Variants in ANO3 observed in about 807,000 individuals in gnomAD.
ANO3 encodes the protein anoctamin 3, also known as anoctamin-3.
Under a neutral mutation model 144.8 loss-of-function variants are expected in ANO3, and 99 were observed. The ratio of observed to expected loss-of-function variants is 0.68; its 90% CI spans 0.58 to 0.81. ANO3 has a LOEUF of 0.81. ANO3 is among the 30% of genes least tolerant of loss of function. The pLI is 0.00. For missense variants in ANO3, 905 were observed against 1,202.2 expected (o/e 0.75, Z 3.66); for synonymous variants, 414 against 392.6 (o/e 1.05, Z -0.64).
intron 24 of ANO3, among the ~76,000 whole-genome samples, chr11:26,648,297 G>A (rs7928737): frequency 0.58 from 88,751 of 151,766 alleles, 26,908 homozygotes; most frequent in East Asian, 0.69. Context: ...CTCTGTGACT[G>A]GAGATTTTCA....
intron 1 of ANO3, among the ~76,000 whole-genome samples, chr11:26,249,122 T>A (rs1391530097): frequency 6.6e-6 from 1 of 152,176 alleles, no homozygotes; most frequent in Non-Finnish European, 1.5e-5. Context: ...ATAGCTTATA[T>A]TTGCATAGCT....
chr11:26,406,267 C>T (rs1291912964), intron 1 of ANO3, among the ~76,000 whole-genome samples: 1 of 151,766 alleles, frequency 6.6e-6, no homozygotes, highest in Non-Finnish European at 1.5e-5. Context: ...CTGTCATCCA[C>T]CTTGAGCCCT....
intron 5 of ANO3, among the ~76,000 whole-genome samples, chr11:26,516,152 C>T (rs976507096): frequency 1.3e-4 from 19 of 151,598 alleles, no homozygotes; most frequent in Admixed American, 5.9e-4. Flanking sequence ...AGAATTAAAC[C>T]ACAGTACCCC....
chr11:26,351,581 C>T (rs1044424721), intron 1 of ANO3, among the ~76,000 whole-genome samples: 1 of 152,090 alleles, frequency 6.6e-6, no homozygotes, highest in African/African-American at 2.4e-5. Flanking sequence ...GCGTCATGGT[C>T]ATAGAGAATT....
rs1042309885 is a variant in ANO3, at chr11:26,407,425, G to A, written c.47-34493G>A. 2.0e-5 allele frequency among the ~76,000 whole-genome samples: 3 copies of A among 151,612 alleles called. No individual in the cohort carries two copies. In the East Asian group the frequency reaches 5.8e-4, roughly 30 times the overall value. Reference sequence around the variant, plus strand: ...ATTGGAACATATTCTAGTACTGACAGCATGTTCTTCTATATTTAGTATTAA... The same window carrying A: ...ATTGGAACATATTCTAGTACTGACAACATGTTCTTCTATATTTAGTATTAA... On this transcript the variant is annotated intron_variant, in intron 1 of 26. Coordinates refer to ENST00000256737, the MANE Select transcript of ANO3 (RefSeq NM_031418.4).
At chr11:26,493,640 A>G (rs1449669379) in intron 4 of ANO3, among the ~76,000 whole-genome samples, 1 of 152,192 alleles carries the variant, frequency 6.6e-6, no homozygotes, top group African/African-American at 2.4e-5. Flanking sequence ...TACTGAAGTC[A>G]TTAAATAGAG....
At chr11:26,315,515 A>G (rs911741898) in intron 1 of ANO3, among the ~76,000 whole-genome samples, 2 of 152,228 alleles carry the variant, frequency 1.3e-5, no homozygotes, top group Admixed American at 1.3e-4. Context: ...TAGGAGAAGT[A>G]TAATGAACTA....
intron 4 of ANO3, among the ~76,000 whole-genome samples, chr11:26,498,444 A>G (rs562108039): frequency 4.0e-5 from 6 of 151,312 alleles, no homozygotes; most frequent in Non-Finnish European, 8.9e-5. Context: ...ATCCCACATT[A>G]TTTACTCCCA....
In ANO3 at chr11:26,273,401, G is replaced by C. The variant is rs554206024; in HGVS notation, c.155-36244G>C. On this transcript the variant is annotated intron_variant, in intron 1 of 27. Transcript: ENST00000672621. ...AGGCTCATTACACATGTAATTTTAT[G>C]GAAAGAATTGTCAATGCCATGAAAG... Among the ~76,000 whole-genome samples the C allele has an allele frequency of 1.4e-3, 218 of 151,740 alleles. 1 individual carries two copies. Among genetic ancestry groups the C allele is most frequent in the African/African-American group, 5.0e-3 (208 of 41,350 alleles).
intron 1 of ANO3, among the ~76,000 whole-genome samples, chr11:26,286,464 T>C (rs1267829799): frequency 1.3e-5 from 2 of 152,210 alleles, no homozygotes; most frequent in African/African-American, 4.8e-5. Flanking sequence ...GCATTCATCA[T>C]TTTTTAAGTT....
chr11:26,536,887 A>G (rs1295579274), intron 9 of ANO3, among the ~76,000 whole-genome samples: 3 of 152,008 alleles, frequency 2.0e-5, no homozygotes, highest in African/African-American at 4.8e-5. Context: ...GAGAGTGTCC[A>G]TTTCACTCTA....
intron 1 of ANO3, among the ~76,000 whole-genome samples, chr11:26,441,542 T>C (rs998678496): frequency 3.9e-5 from 6 of 152,172 alleles, no homozygotes; most frequent in South Asian, 4.1e-4. Flanking sequence ...GTAATTTCAA[T>C]GGTTATATAT....
At position 26,527,746 on chromosome 11, in the gene ANO3, T is replaced by C. The variant is rs529278004; in HGVS notation, c.737+2067T>C. Among the ~76,000 whole-genome samples, 30 of 152,294 alleles carry C rather than the reference T, an allele frequency of 2.0e-4. 1 individual carries two copies. The South Asian group carries it at 6.0e-3, about 31-fold the overall frequency. On this transcript the variant is annotated intron_variant, in intron 7 of 26. Coordinates refer to ENST00000256737, the MANE Select transcript of ANO3 (RefSeq NM_031418.4). The stretch of plus-strand genomic sequence containing the variant: ...GCAGGTTGAAAGGATGTTGTTGGTT[T>C]TATTATCACTGCAATTTATTTTTTA...
chr11:26,309,492 T>G, upstream of ANO3: 1 of 183,426 alleles, frequency 5.5e-6, no homozygotes, highest in Non-Finnish European at 1.0e-5. Context: ...TACACACTTC[T>G]TCAGAACTAA....
intron 1 of ANO3, among the ~76,000 whole-genome samples, chr11:26,285,239 A>T (rs193263327): frequency 1.3e-5 from 2 of 152,198 alleles, no homozygotes; most frequent in Non-Finnish European, 2.9e-5. Context: ...GAACTTTAGG[A>T]GTAAGAAAAT....
intron 17 of ANO3, among the ~76,000 whole-genome samples, chr11:26,614,184 G>A (rs1652107748): frequency 6.6e-6 from 1 of 152,214 alleles, no homozygotes; most frequent in African/African-American, 2.4e-5. Flanking sequence ...TCTGGGGGTG[G>A]ATTCAACATA....
chr11:26,467,974 A>G (rs1382794726), intron 4 of ANO3, among the ~76,000 whole-genome samples: 1 of 151,858 alleles, frequency 6.6e-6, no homozygotes, highest in Non-Finnish European at 1.5e-5. Context: ...TGGTTTGGGT[A>G]AATATCGTCT....
chr11:26,260,047 CT>C (rs768969943), intron 1 of ANO3, among the ~76,000 whole-genome samples: 11,124 of 129,670 alleles, frequency 0.086, 388 homozygotes, highest in East Asian at 0.14. Context: ...TTTTAAAGTG[CT>C]TTTTTTTTTT....
chr11:26,211,675 T>C (rs1226285629), intron 1 of ANO3, among the ~76,000 whole-genome samples: 2 of 152,154 alleles, frequency 1.3e-5, no homozygotes, highest in Non-Finnish European at 2.9e-5. Flanking sequence ...GATCTAGAAC[T>C]AGAAATACAA....
Sources: allele counts gnomAD v4.1 joint callset (sites outside exome capture counted in the v4.1 genomes callset), GRCh38; gene constraint gnomAD v4.1.1; transcripts MANE v1.5; gene names NCBI Gene and HGNC (gene_info 2026-07-23, HGNC 2026-07-21).